The following PICALM variants were observed in gnomAD, a reference collection of about 807,000 sequenced individuals.
The protein encoded by PICALM is phosphatidylinositol binding clathrin assembly protein.
PICALM carries 40 observed loss-of-function variants against 80.5 expected under a neutral mutation model. The observed-to-expected ratio is 0.50, with a 90% CI of 0.39 to 0.65. The LOEUF is 0.65. Among genes scored for constraint, PICALM ranks in the 30% least tolerant of loss-of-function variants. PICALM has a pLI of 0.00. For synonymous variants in PICALM, 288 were observed against 260.3 expected (o/e 1.11, Z -1.02); for missense variants, 676 against 778.9 (o/e 0.87, Z 1.57).
At chr11:86,032,435 C>A (rs2095769108) in intron 1 of PICALM, among the ~76,000 whole-genome samples, 1 of 152,068 alleles carries the variant, frequency 6.6e-6, no homozygotes. Context: ...CCAGCCTGGC[C>A]AATATGCTGA....
intron 17 of PICALM, chr11:85,978,033 C>T: frequency 6.4e-7 from 1 of 1,566,974 alleles, no homozygotes; most frequent in South Asian, 1.1e-5. Context: ...AATAGCATGC[C>T]AATTTATTGC....
chr11:86,065,526 T>C (rs1253351950), intron 1 of PICALM, among the ~76,000 whole-genome samples: 1 of 152,218 alleles, frequency 6.6e-6, no homozygotes, highest in Non-Finnish European at 1.5e-5. Flanking sequence ...AATTAGAAGC[T>C]ACTTTCTATG....
At chr11:86,016,305 G>A (rs1307935587) in intron 4 of PICALM, among the ~76,000 whole-genome samples, 2 of 151,972 alleles carry the variant, frequency 1.3e-5, no homozygotes, top group Non-Finnish European at 2.9e-5. Context: ...CCCCACCCCT[G>A]AAGAACAACA....
intron 14 of PICALM, chr11:85,982,239 C>T (rs939154770): frequency 6.6e-6 from 3 of 452,194 alleles, no homozygotes; most frequent in Non-Finnish European, 1.2e-5. Flanking sequence ...GACAAAATTA[C>T]ATTAGGGTTA....
chr11:85,960,298 G>C (rs1320269340), intron 19 of PICALM, among the ~76,000 whole-genome samples: 1 of 152,176 alleles, frequency 6.6e-6, no homozygotes, highest in Non-Finnish European at 1.5e-5. Context: ...CTGGGGGCTA[G>C]AGCATCAAGA....
At chr11:86,057,827 A>G (rs188507240) in intron 1 of PICALM, among the ~76,000 whole-genome samples, 2 of 152,328 alleles carry the variant, frequency 1.3e-5, no homozygotes, top group East Asian at 3.9e-4. Flanking sequence ...GGAGATGTGC[A>G]TAGGTTATAT....
At chr11:86,021,547 A>G (rs1286953690) in intron 4 of PICALM, among the ~76,000 whole-genome samples, 2 of 152,032 alleles carry the variant, frequency 1.3e-5, no homozygotes, top group Admixed American at 1.3e-4. Flanking sequence ...AAGTATGGCA[A>G]GAATAGGGAG....
chr11:86,038,302 C>T (rs948169760), intron 1 of PICALM, among the ~76,000 whole-genome samples: 1 of 151,928 alleles, frequency 6.6e-6, no homozygotes, highest in Admixed American at 6.6e-5. Context: ...ACCTGGGCAA[C>T]AGAGCGAGAC....
intron 18 of PICALM, among the ~76,000 whole-genome samples, chr11:85,975,305 C>T (rs764124262): frequency 6.6e-6 from 1 of 152,050 alleles, no homozygotes; most frequent in Non-Finnish European, 1.5e-5. Flanking sequence ...ATATAAGAAT[C>T]AAGAAAGAGC....
intron 14 of PICALM, among the ~76,000 whole-genome samples, chr11:85,982,356 G>A (rs1480930014): frequency 1.3e-5 from 2 of 149,250 alleles, no homozygotes; most frequent in Non-Finnish European, 3.0e-5. Flanking sequence ...AGCAATATAG[G>A]TTAAAAAATA....
intron 4 of PICALM, among the ~76,000 whole-genome samples, chr11:86,016,717 T>G (rs919798107): frequency 6.6e-6 from 1 of 152,172 alleles, no homozygotes; most frequent in East Asian, 1.9e-4. Context: ...CAACCTCAAA[T>G]GAATACTCAA....
intron 19 of PICALM, among the ~76,000 whole-genome samples, chr11:85,969,227 G>T (rs563515356): frequency 6.6e-6 from 1 of 152,162 alleles, no homozygotes; most frequent in Admixed American, 6.5e-5. Context: ...ATGGCAACAA[G>T]ATAAAGGTAT....
intron 19 of PICALM, among the ~76,000 whole-genome samples, chr11:85,965,711 T>C (rs2093853659): frequency 1.3e-5 from 2 of 152,058 alleles, no homozygotes; most frequent in East Asian, 1.9e-4. Flanking sequence ...CTTGTGTTTA[T>C]GCTCAACAAA....
intron 1 of PICALM, among the ~76,000 whole-genome samples, chr11:86,039,805 C>T (rs544369918): frequency 6.6e-6 from 1 of 151,870 alleles, no homozygotes; most frequent in Admixed American, 6.6e-5. Context: ...AGAGCGAGAC[C>T]ATCCTGGCTA....
intron 14 of PICALM, among the ~76,000 whole-genome samples, chr11:85,983,173 T>C (rs898604094): frequency 6.6e-6 from 1 of 152,226 alleles, no homozygotes; most frequent in Non-Finnish European, 1.5e-5. Flanking sequence ...AACATCTCAA[T>C]ATATTCTCTC....
intron 1 of PICALM, among the ~76,000 whole-genome samples, chr11:86,067,010 A>G (rs1565626745): frequency 6.6e-6 from 1 of 152,260 alleles, no homozygotes; most frequent in African/African-American, 2.4e-5. Flanking sequence ...GTTTAAAAGC[A>G]GCCTGCATGC....
At chr11:86,047,789 T>C (rs971971957) in intron 1 of PICALM, among the ~76,000 whole-genome samples, 2 of 152,112 alleles carry the variant, frequency 1.3e-5, no homozygotes, top group African/African-American at 4.8e-5. Context: ...AAGCAACTTA[T>C]TAGTAAGTTT....
At position 86,003,126 on chromosome 11, in the gene PICALM, C is replaced by T. The variant is rs947577410; in HGVS notation, c.893+240G>A. Among the ~76,000 whole-genome samples, 32 of 152,312 alleles carry T rather than the reference C, an allele frequency of 2.1e-4. 1 individual carries two copies. Among genetic ancestry groups the T allele is most frequent in the Admixed American group, 5.2e-4 (8 of 15,306 alleles). ...AACACAATTCTAAACTATGCAGTCA[C>T]TGTCATTATCTTAACAGATGCTGAC... On this transcript the variant is annotated intron_variant, in intron 9 of 19. Transcript: ENST00000393346.
intron 8 of PICALM, among the ~76,000 whole-genome samples, chr11:86,004,901 C>G (rs1275789876): frequency 1.3e-5 from 2 of 152,170 alleles, no homozygotes; most frequent in South Asian, 2.1e-4. Flanking sequence ...TATACATACA[C>G]TTTCAAACAG....
Sources: gnomAD v4.1 joint callset for allele counts (sites outside exome capture counted in the v4.1 genomes callset) on GRCh38, gnomAD v4.1.1 for gene constraint, MANE v1.5 for transcripts, NCBI Gene and HGNC (gene_info 2026-07-23, HGNC 2026-07-21) for gene names.